Variants in PDE1C observed in about 807,000 individuals in gnomAD.
PDE1C encodes the protein phosphodiesterase 1C.
Under a neutral mutation model 93.1 loss-of-function variants are expected in PDE1C, and 62 were observed. The observed-to-expected ratio is 0.67, with a 90% CI of 0.54 to 0.82. The LOEUF is 0.82. PDE1C is among the 40% of genes least tolerant of loss of function. The pLI, the probability that PDE1C is intolerant of heterozygous loss-of-function variation, is 0.00. For synonymous variants in PDE1C, 325 were observed against 310.1 expected, an observed-to-expected ratio of 1.05 and a Z score of -0.50; for missense variants, 742 against 884.6, an observed-to-expected ratio of 0.84 and a Z score of 2.04.
intron 2 of PDE1C, among the ~76,000 whole-genome samples, chr7:32,194,878 A>C (rs572659567): frequency 6.6e-6 from 1 of 151,974 alleles, no homozygotes; most frequent in African/African-American, 2.4e-5. Flanking sequence ...CCTGTGGCTT[A>C]CTTGAACCTT....
chr7:32,105,323 A>C (rs79102811), intron 3 of PDE1C, among the ~76,000 whole-genome samples: 3,278 of 152,294 alleles, frequency 0.022, 123 homozygotes, highest in African/African-American at 0.076. Context: ...AGAGATGAGT[A>C]ATAACTGATT....
At chr7:32,105,490 C>G (rs766316291) in intron 3 of PDE1C, among the ~76,000 whole-genome samples, 1 of 152,106 alleles carries the variant, frequency 6.6e-6, no homozygotes, top group Non-Finnish European at 1.5e-5. Context: ...ATTTCCTTAT[C>G]CCAATAAGAC....
intron 3 of PDE1C, among the ~76,000 whole-genome samples, chr7:32,142,284 G>A (rs1021233569): frequency 1.3e-5 from 2 of 152,152 alleles, no homozygotes; most frequent in Admixed American, 6.5e-5. Context: ...ACTCAAGGAG[G>A]TTTTATTCTT....
chr7:32,322,580 G>A (rs543206502), intron 1 of PDE1C, among the ~76,000 whole-genome samples: 16 of 152,040 alleles, frequency 1.1e-4, no homozygotes, highest in African/African-American at 3.6e-4. Flanking sequence ...CTCCAGCCTG[G>A]GTGACAGAGC....
chr7:31,877,887 G>T, intron 5 of PDE1C, 83 bp downstream of exon 5: 2 of 828,164 alleles, frequency 2.4e-6, no homozygotes, highest in Non-Finnish European at 1.9e-6. Context: ...AACTGTAAAT[G>T]AAAGCCTCTT....
the PDE1C span, among the ~76,000 whole-genome samples, chr7:31,617,908 G>T: frequency 3.9e-5 from 6 of 152,150 alleles, no homozygotes; most frequent in South Asian, 1.2e-3. Flanking sequence ...TGCAGGAAAA[G>T]AAGATAAAGT....
chr7:31,873,570 T>C (rs1459448437), intron 5 of PDE1C, among the ~76,000 whole-genome samples, 162 bp from the exon 6 acceptor site: 2 of 152,236 alleles, frequency 1.3e-5, no homozygotes, highest in East Asian at 1.9e-4. Flanking sequence ...CTGGCTAGTC[T>C]ACATAGTATC....
chr7:32,368,194 AT>A (rs1035752646), intron 1 of PDE1C, among the ~76,000 whole-genome samples: 8 of 152,092 alleles, frequency 5.3e-5, no homozygotes, highest in Non-Finnish European at 1.0e-4. Context: ...AGGAAGTCAG[AT>A]TGTCCCTGCT....
intron 3 of PDE1C, among the ~76,000 whole-genome samples, chr7:32,083,319 T>G (rs199925041): frequency 1.3e-5 from 2 of 150,862 alleles, no homozygotes; most frequent in Admixed American, 6.6e-5. Context: ...TAAAAAGAAA[T>G]GAACAAAGCC....
At chr7:32,329,592 G>T (rs573208853) in intron 1 of PDE1C, among the ~76,000 whole-genome samples, 1 of 152,060 alleles carries the variant, frequency 6.6e-6, no homozygotes, top group Admixed American at 6.6e-5. Context: ...GAAAGTTTGC[G>T]GGAGTATTTT....
At chr7:31,847,827 G>A (rs1792822685) in intron 9 of PDE1C, 141 bp downstream of exon 9, 1 of 790,132 alleles carries the variant, frequency 1.3e-6, no homozygotes, top group Admixed American at 1.9e-5. Context: ...AAGAGAGGGT[G>A]AGAGTGAGAG....
intron 9 of PDE1C, among the ~76,000 whole-genome samples, chr7:31,839,820 T>C (rs559013805): frequency 6.6e-6 from 1 of 152,334 alleles, no homozygotes; most frequent in South Asian, 2.1e-4. Flanking sequence ...GTGGATCACC[T>C]GAGGTCAGGA....
At chr7:31,618,352 G>A in the PDE1C span, among the ~76,000 whole-genome samples, 1 of 120,558 alleles carries the variant, frequency 8.3e-6, no homozygotes, top group Admixed American at 9.0e-5. Flanking sequence ...TTCTTTGGGA[G>A]GTTCCTCCCC....
At chr7:32,090,444 C>A (rs566313681) in intron 3 of PDE1C, among the ~76,000 whole-genome samples, 37 of 152,292 alleles carry the variant, frequency 2.4e-4, no homozygotes, top group African/African-American at 8.9e-4. Flanking sequence ...AGGCAATGAC[C>A]TTGACATGCG....
At chr7:32,205,077 G>A (rs1805328519) in intron 2 of PDE1C, among the ~76,000 whole-genome samples, 2 of 152,216 alleles carry the variant, frequency 1.3e-5, no homozygotes, top group Admixed American at 1.3e-4. Context: ...TTGAGCGCTT[G>A]TGGTATACAG....
the PDE1C span, chr7:31,651,872 G>A: frequency 9.1e-7 from 1 of 1,098,818 alleles, no homozygotes; most frequent in African/African-American, 1.6e-5. Flanking sequence ...ATATTATGAG[G>A]TGACAATGGA....
chr7:31,785,732 G>A (rs1377138828), intron 16 of PDE1C: 1 of 152,116 alleles, frequency 6.6e-6, no homozygotes, highest in African/African-American at 2.4e-5. Flanking sequence ...ACATGTTCAT[G>A]ATCAGATAAA....
At chr7:32,374,250 G>GGAA (rs1350487867) in intron 1 of PDE1C, among the ~76,000 whole-genome samples, 74 of 57,880 alleles carry the variant, frequency 1.3e-3, no homozygotes, top group African/African-American at 4.0e-3. Context: ...AGGAAGGAAA[G>GGAA]GAAAGGAAGA....
At chr7:31,748,020 G>C (rs1052867147), downstream of PDE1C, among the ~76,000 whole-genome samples, 1 of 152,128 alleles carries the variant, frequency 6.6e-6, no homozygotes, top group African/African-American at 2.4e-5. Flanking sequence ...GCAGTTTTTG[G>C]TCCCTGAGCA....
Sources: gnomAD v4.1 joint callset for allele counts (sites outside exome capture counted in the v4.1 genomes callset) on GRCh38, gnomAD v4.1.1 for gene constraint, MANE v1.5 for transcripts, NCBI Gene and HGNC (gene_info 2026-07-23, HGNC 2026-07-21) for gene names.